Variants in ROBO2 observed in about 807,000 individuals in gnomAD.
ROBO2 encodes the protein roundabout homolog 2.
ROBO2 carries 53 observed loss-of-function variants against 160.8 expected under a neutral mutation model. The observed-to-expected ratio is 0.33, with a 90% CI of 0.26 to 0.41. ROBO2 has a LOEUF of 0.41. Among genes scored for constraint, ROBO2 ranks in the 10% least tolerant of loss-of-function variants. The probability of loss-of-function intolerance (pLI) is 1.00; values close to 1 mark genes in which losing one functional copy is unlikely to be tolerated. For missense variants in ROBO2, 1,577 were observed against 1,722.4 expected, an observed-to-expected ratio of 0.92 and a Z score of 1.49; for synonymous variants, 664 against 611.7, an observed-to-expected ratio of 1.09 and a Z score of -1.26.
At chr3:77,343,257 T>C (rs1213951034) in intron 2 of ROBO2, among the ~76,000 whole-genome samples, 2 of 152,106 alleles carry the variant, frequency 1.3e-5, no homozygotes, top group Non-Finnish European at 2.9e-5. Context: ...TTGACACAAA[T>C]TGAGTTACAT....
intron 2 of ROBO2, among the ~76,000 whole-genome samples, chr3:76,238,292 T>C (rs1400294018): frequency 1.3e-5 from 2 of 152,130 alleles, no homozygotes; most frequent in Non-Finnish European, 2.9e-5. Flanking sequence ...AGGAAACTTA[T>C]AATCATAGGG....
intron 2 of ROBO2, among the ~76,000 whole-genome samples, chr3:77,417,115 G>A (rs2077298005): frequency 6.6e-6 from 1 of 152,022 alleles, no homozygotes; most frequent in African/African-American, 2.4e-5. Context: ...AGGAAAACTA[G>A]CAATATTTAG....
chr3:77,616,301 C>T (rs74439143), intron 21 of ROBO2, among the ~76,000 whole-genome samples: 5 of 151,480 alleles, frequency 3.3e-5, no homozygotes, highest in South Asian at 2.1e-4. Context: ...GGAAATAGTG[C>T]GAGATTAAGC....
chr3:76,473,641 G>A (rs2078785301), intron 2 of ROBO2, among the ~76,000 whole-genome samples: 1 of 152,098 alleles, frequency 6.6e-6, no homozygotes, highest in Non-Finnish European at 1.5e-5. Context: ...GGGGATAGAG[G>A]TGATGCCTTT....
At chr3:77,334,768 A>G (rs2066317761) in intron 2 of ROBO2, among the ~76,000 whole-genome samples, 1 of 152,174 alleles carries the variant, frequency 6.6e-6, no homozygotes, top group Non-Finnish European at 1.5e-5. Flanking sequence ...TTAGTGAGAT[A>G]CAAATCTGCC....
intron 2 of ROBO2, among the ~76,000 whole-genome samples, chr3:76,141,060 C>CATTATATATATATATATATATATAT (rs1553656031): frequency 7.5e-5 from 4 of 53,588 alleles, no homozygotes; most frequent in African/African-American, 2.8e-4. Flanking sequence ...TTTTTACATA[C>CATTATATATATATATATATATATAT]ATATATATAT....
chr3:77,279,477 G>A (rs2153369140), intron 2 of ROBO2, among the ~76,000 whole-genome samples: 1 of 152,186 alleles, frequency 6.6e-6, no homozygotes, highest in Admixed American at 6.5e-5. Context: ...AACTTGTGGG[G>A]TGTGTTCATA....
chr3:75,964,085 T>C (rs1204652596), intron 2 of ROBO2, among the ~76,000 whole-genome samples: 2 of 151,790 alleles, frequency 1.3e-5, no homozygotes, highest in Non-Finnish European at 2.9e-5. Flanking sequence ...TTAATCATGT[T>C]ACTCAGAAGA....
chr3:77,584,878 T>C (rs1158527439), intron 16 of ROBO2, among the ~76,000 whole-genome samples: 1 of 118,192 alleles, frequency 8.5e-6, no homozygotes, highest in Non-Finnish European at 1.7e-5. Flanking sequence ...ACTTAAGAAG[T>C]TATATATATA....
intron 2 of ROBO2, among the ~76,000 whole-genome samples, chr3:77,219,466 G>A (rs929600113): frequency 1.5e-4 from 12 of 82,428 alleles, no homozygotes; most frequent in Non-Finnish European, 2.4e-4. Flanking sequence ...ATATGTATCT[G>A]TGTATATATA....
chr3:76,207,369 T>A (rs1015921156), intron 2 of ROBO2, among the ~76,000 whole-genome samples: 3 of 152,152 alleles, frequency 2.0e-5, no homozygotes, highest in African/African-American at 7.2e-5. Context: ...ACCTGGACAA[T>A]CTTGGAAGTA....
intron 2 of ROBO2, among the ~76,000 whole-genome samples, chr3:77,220,964 T>C (rs2085709379): frequency 6.6e-6 from 1 of 152,324 alleles, no homozygotes; most frequent in East Asian, 1.9e-4. Flanking sequence ...GAAAATATAA[T>C]CTGAATGAAG....
chr3:77,043,284 A>T (rs1458131134), intron 1 of ROBO2, among the ~76,000 whole-genome samples: 2 of 152,188 alleles, frequency 1.3e-5, no homozygotes, highest in Non-Finnish European at 2.9e-5. Context: ...AATGTACAGA[A>T]GCCTGTACCA....
intron 2 of ROBO2, among the ~76,000 whole-genome samples, chr3:76,874,518 C>T (rs552806129): frequency 1.6e-4 from 25 of 152,252 alleles, no homozygotes; most frequent in African/African-American, 5.1e-4. Flanking sequence ...TACTTAAATT[C>T]TGATTGTCAA....
At chr3:76,145,656 T>G (rs548310786) in intron 2 of ROBO2, among the ~76,000 whole-genome samples, 1 of 152,174 alleles carries the variant, frequency 6.6e-6, no homozygotes, top group Admixed American at 6.6e-5. Context: ...TACAGAAATT[T>G]ACTTATGTAT....
intron 2 of ROBO2, among the ~76,000 whole-genome samples, chr3:76,524,768 A>C (rs1162313744): frequency 2.2e-5 from 3 of 136,234 alleles, no homozygotes; most frequent in Admixed American, 8.2e-5. Flanking sequence ...TAGCACTTTG[A>C]AATATGCCAG....
intron 2 of ROBO2, among the ~76,000 whole-genome samples, chr3:76,501,090 A>G (rs1350528027): frequency 2.6e-5 from 4 of 152,214 alleles, no homozygotes; most frequent in Non-Finnish European, 5.9e-5. Context: ...TATTGCATCT[A>G]TTTATACACT....
intron 2 of ROBO2, among the ~76,000 whole-genome samples, chr3:76,765,870 G>T (rs531113117): frequency 1.3e-5 from 2 of 151,510 alleles, no homozygotes; most frequent in South Asian, 2.1e-4. Flanking sequence ...GGACTGTTTC[G>T]AGGCACCCAC....
At chr3:76,174,871 T>G (rs2073170437) in intron 2 of ROBO2, among the ~76,000 whole-genome samples, 1 of 152,136 alleles carries the variant, frequency 6.6e-6, no homozygotes, top group African/African-American at 2.4e-5. Context: ...CATATAAAAT[T>G]TAAGGTAGGT....
Sources: allele counts gnomAD v4.1 joint callset (sites outside exome capture counted in the v4.1 genomes callset), GRCh38; gene constraint gnomAD v4.1.1; transcripts MANE v1.5; gene names NCBI Gene and HGNC (gene_info 2026-07-23, HGNC 2026-07-21).